Variants in ACCS observed in about 807,000 individuals in gnomAD.
The protein encoded by ACCS is 1-aminocyclopropane-1-carboxylate synthase homolog (inactive).
Under a neutral mutation model 59.8 loss-of-function variants are expected in ACCS, and 42 were observed. The observed-to-expected ratio is 0.70, with a 90% confidence interval of 0.55 to 0.91. The LOEUF is 0.91. Ranked by LOEUF, ACCS falls within the 40% of genes least tolerant of loss-of-function variation. The probability of loss-of-function intolerance (pLI) is 0.00; values close to 1 mark genes in which losing one functional copy is unlikely to be tolerated. For missense variants in ACCS, 602 were observed against 630.4 expected, an observed-to-expected ratio of 0.95 and a Z score of 0.48; for synonymous variants, 230 against 240.3, an observed-to-expected ratio of 0.96 and a Z score of 0.40.
In ACCS at chr11:44,077,654, T is replaced by G. The variant is rs1047065474; in HGVS notation, c.655-191T>G. On this transcript the variant is annotated intron_variant, in intron 7 of 14. Transcript: ENST00000263776. Reference sequence around the variant, plus strand: ...TAGACCTAAGCATGACACCCAAGAGTGATGAGGGGGTCTCTGAAGTGATGG... The same window carrying G: ...TAGACCTAAGCATGACACCCAAGAGGGATGAGGGGGTCTCTGAAGTGATGG... The G allele has an allele frequency of 2.6e-5, 37 of 1,434,632 alleles. No individual in the cohort carries two copies. In the East Asian group the frequency reaches 9.1e-4, roughly 35 times the overall value. The allele number at this position is 1,434,632 out of a possible 1,614,324, so 88.9% of individuals were successfully genotyped here. A position where few individuals can be genotyped will look rare whatever the true frequency, so the allele number is the denominator to read the frequency against.
Position 44,073,513 on chromosome 11 carries a change from C to T in ACCS, c.415C>T (p.Leu139=), listed in dbSNP as rs755857092. ...GCAGTATGCTGACTGGAGGGGACAT[C>T]TGTTGTAAGTAGTTGCCATAGGGTG... ...LLQYADWRGH[L]FLREEVAKFL... The change falls in exon 4 of 15, where the codon CTG becomes TTG. Residue 139 remains leucine, a synonymous_variant. Coordinates refer to ENST00000263776, the MANE Select transcript of ACCS (RefSeq NM_032592.4). The T allele has an allele frequency of 3.7e-6, 6 of 1,607,592 alleles. No homozygotes were observed. In the Admixed American group the frequency reaches 8.4e-5, roughly 23 times the overall value.
chr11:44,075,758 C>T (rs1264417432), intron 6 of ACCS, 166 bp downstream of exon 6: 2 of 739,386 alleles, frequency 2.7e-6, no homozygotes, highest in Non-Finnish European at 4.3e-6. Context: ...CGGGGGTCAG[C>T]AGTTCCAGGG....
intron 1 of ACCS, chr11:44,067,244 G>A (rs1269168590): frequency 5.3e-6 from 1 of 188,332 alleles, no homozygotes; most frequent in Non-Finnish European, 1.1e-5. Flanking sequence ...AGGACTCCCA[G>A]GCAATACTCT....
rs35514614 is a variant in ACCS at position 44,077,852 on chromosome 11, G to A, written c.662G>A (p.Gly221Glu). Residue 221 changes from glycine to glutamate, a missense_variant, in exon 8 of 15, where the codon GGG becomes GAG. By Grantham distance (98) the Gly-to-Glu change is moderately conservative (BLOSUM62 -2). Coordinates refer to ENST00000263776, the MANE Select transcript of ACCS (RefSeq NM_032592.4). The part of the protein sequence containing the change: ...AYVYLDSEVT[G>E]LDTRPFQLTV... ...TGATGGGTCTTTTTCCAGGTCACTG[G>A]GCTAGACACACGCCCCTTCCAGCTC... The A allele has an allele frequency of 2.0e-3, 3,298 of 1,613,802 alleles. 34 individuals carry two copies. The highest frequency in any genetic ancestry group is 0.02 in the African/African-American group (1,521 of 75,012).
At chr11:44,068,439 A>G (rs993146918) in intron 2 of ACCS, among the ~76,000 whole-genome samples, 1 of 152,090 alleles carries the variant, frequency 6.6e-6, no homozygotes, top group Non-Finnish European at 1.5e-5. Flanking sequence ...CACTACAAAA[A>G]GGTAAAAATA....
Position 44,084,000 on chromosome 11 carries a change from T to A in ACCS, c.*208T>A. The stretch of plus-strand genomic sequence containing the variant: ...AGCCTGGGCCCTCCCTCTCTCCTAT[T>A]AAACAAAACTAGGAGAGTCCATATG... On this transcript the variant is annotated 3_prime_UTR_variant, in exon 15 of 15. Coordinates refer to ENST00000263776, the MANE Select transcript of ACCS (RefSeq NM_032592.4). The A allele has an allele frequency of 9.4e-7, 1 of 1,064,032 alleles. No homozygotes were observed. The highest frequency in any genetic ancestry group is 1.3e-6 in the Non-Finnish European group (1 of 768,822). 65.9% of individuals were successfully genotyped at this position (1,064,032 alleles called of 1,614,324 possible).
intron 10 of ACCS, 187 bp from the exon 11 acceptor site, chr11:44,080,833 C>G: frequency 1.5e-6 from 1 of 646,582 alleles, no homozygotes; most frequent in Non-Finnish European, 2.7e-6. Context: ...GTTTGGCCCG[C>G]GGGCTGTCAT....
chr11:44,077,651 G>A lies in ACCS; in HGVS notation c.655-194G>A, dbSNP rs1272323665. ...GGGTAGACCTAAGCATGACACCCAA[G>A]AGTGATGAGGGGGTCTCTGAAGTGA... On this transcript the variant is annotated intron_variant, in intron 7 of 14. Transcript: ENST00000263776. The A allele has an allele frequency of 2.1e-6, 3 of 1,439,348 alleles. No homozygotes were observed. The East Asian group carries it at 7.5e-5, about 36-fold the overall frequency. 89.2% of individuals were successfully genotyped at this position (1,439,348 alleles called of 1,614,324 possible). A position where few individuals can be genotyped will look rare whatever the true frequency, so the allele number is the denominator to read the frequency against.
At position 44,067,852 on chromosome 11, in the gene ACCS, T is replaced by C; in HGVS notation, c.225T>C (p.Asp75=). The change falls in exon 2 of 15, where the codon GAT becomes GAC. Residue 75 remains aspartate (D), a synonymous_variant. Coordinates refer to ENST00000263776, the MANE Select transcript of ACCS (RefSeq NM_032592.4). ...GAAGAATGATTAAATGGTTCTGGGA[T>C]TCAGCTGAGGAGGGCTACAGGACCT... is the stretch of plus-strand genomic sequence containing the variant. ...SRGRMIKWFW[D]SAEEGYRTYH... 6.2e-7 allele frequency: 1 copy of C among 1,614,068 alleles called. No individual in the cohort carries two copies. Among genetic ancestry groups the C allele is most frequent in the Non-Finnish European group, 8.5e-7 (1 of 1,179,960 alleles).
At chr11:44,068,434 C>T (rs990125678) in intron 2 of ACCS, among the ~76,000 whole-genome samples, 18 of 151,934 alleles carry the variant, frequency 1.2e-4, no homozygotes, top group Non-Finnish European at 1.8e-4. Flanking sequence ...CCCATCACTA[C>T]AAAAAGGTAA....
rs1239813753 is a variant in ACCS, at chr11:44,077,263, C to T, written c.557-16C>T. The stretch of plus-strand genomic sequence containing the variant: ...TGGCCAGAAAGTGACAGGCCCTCGC[C>T]CACTCCTGCCCCCAGAGGCTTTCCT... On this transcript the variant is annotated splice_polypyrimidine_tract_variant and intron_variant, in intron 6 of 14. Coordinates refer to ENST00000263776, the MANE Select transcript of ACCS (RefSeq NM_032592.4). The T allele has an allele frequency of 6.2e-7, 1 of 1,611,414 alleles. No individual in the cohort carries two copies. The highest frequency in any genetic ancestry group is 8.5e-7 in the Non-Finnish European group (1 of 1,178,628).
rs1468652610 is a variant in ACCS at position 44,084,021 on chromosome 11, A to G, written c.*229A>G. 4.9e-6 allele frequency: 4 copies of G among 809,394 alleles called. No homozygotes were observed. The East Asian group carries it at 1.2e-4, about 25-fold the overall frequency. The allele number at this position is 809,394 out of a possible 1,614,324, so 50.1% of individuals were successfully genotyped here. On this transcript the variant is annotated 3_prime_UTR_variant, in exon 15 of 15. Transcript: ENST00000263776. ...CTATTAAACAAAACTAGGAGAGTCC[A>G]TATGTCTCCATTGTGAGTTATTTAG...
At chr11:44,081,556 A>T (rs927260071) in intron 12 of ACCS, among the ~76,000 whole-genome samples, 1 of 152,282 alleles carries the variant, frequency 6.6e-6, no homozygotes, top group African/African-American at 2.4e-5. Context: ...AACAGGGATC[A>T]TAATGGTACC....
At position 44,067,821 on chromosome 11, in the gene ACCS, C is replaced by T; in HGVS notation, c.194C>T (p.Ser65Phe). ...MISSDTSYLS[S>F]RGRMIKWFWD... ...TCCTCTGATACCTCCTACCTGTCCT[C>T]TAGAGGAAGAATGATTAAATGGTTC... is the stretch of plus-strand genomic sequence containing the variant. The change falls in exon 2 of 15, where the codon TCT becomes TTT. Residue 65 changes from serine to phenylalanine, a missense_variant. Ser to Phe is a radical substitution (Grantham distance 155). Coordinates refer to ENST00000263776, the MANE Select transcript of ACCS (RefSeq NM_032592.4). The T allele has an allele frequency of 6.2e-7, 1 of 1,614,084 alleles. No individual in the cohort carries two copies. The highest frequency in any genetic ancestry group is 1.1e-5 in the South Asian group (1 of 91,080).
chr11:44,083,507 G>T lies in ACCS; in HGVS notation c.1338G>T (p.Lys446Asn). ...ACAAGGTGCTGCTGTCCTTTGGCAA[G>T]GCCTTCGAGTGTAAAGAGCCTGGTT... Reference protein sequence around the residue: ...LDNKVLLSFGKAFECKEPGWF... With the variant: ...LDNKVLLSFGNAFECKEPGWF... The change falls in exon 14 of 15, where the codon AAG becomes AAT. Residue 446 changes from lysine to asparagine, a missense_variant. Coordinates refer to ENST00000263776, the MANE Select transcript of ACCS (RefSeq NM_032592.4). The T allele has an allele frequency of 6.2e-7, 1 of 1,614,250 alleles. No individual in the cohort carries two copies. The highest frequency in any genetic ancestry group is 8.5e-7 in the Non-Finnish European group (1 of 1,180,040).
rs141543979 is a variant in ACCS, at chr11:44,083,821, C to T, written c.*29C>T. On this transcript the variant is annotated 3_prime_UTR_variant, in exon 15 of 15. Coordinates refer to ENST00000263776, the MANE Select transcript of ACCS (RefSeq NM_032592.4). ...GGTCATTGTCTCGTGGCCAGAGGGC[C>T]CAGCAGCCACTGTGGACCTGGGGCG... 3,143 of 1,568,458 alleles carry T rather than the reference C, an allele frequency of 2.0e-3. 9 individuals are homozygous for T. Among genetic ancestry groups the T allele is most frequent in the Non-Finnish European group, 2.5e-3 (2,849 of 1,156,826 alleles).
chr11:44,073,284 T>G (rs549107654), intron 3 of ACCS, 163 bp from the exon 4 acceptor site: 1 of 689,688 alleles, frequency 1.4e-6, no homozygotes, highest in African/African-American at 1.8e-5. Context: ...TTTTTGGACC[T>G]CAGTTTCCTC....
intron 4 of ACCS, 97 bp from the exon 5 acceptor site, chr11:44,074,515 G>A: frequency 5.4e-6 from 5 of 927,340 alleles, no homozygotes; most frequent in Non-Finnish European, 7.1e-6. Flanking sequence ...TTAGGGAAGA[G>A]TGATGGCAGC....
At chr11:44,078,588 C>G (rs1953486951) in intron 8 of ACCS, 96 bp from the exon 9 acceptor site, 1 of 991,928 alleles carries the variant, frequency 1.0e-6, no homozygotes. Context: ...CCCCTCAAAT[C>G]TCCCTGGGAG....
Sources: allele counts gnomAD v4.1 joint callset (sites outside exome capture counted in the v4.1 genomes callset), GRCh38; gene constraint gnomAD v4.1.1; transcripts MANE v1.5; gene names NCBI Gene and HGNC (gene_info 2026-07-23, HGNC 2026-07-21).